Variants in DPP10 observed in about 807,000 individuals in gnomAD.
DPP10 encodes the protein dipeptidyl peptidase like 10.
Under a neutral mutation model 120.9 loss-of-function variants are expected in DPP10, and 33 were observed. The observed-to-expected ratio is 0.27, with a 90% CI of 0.21 to 0.37. The LOEUF (loss-of-function observed/expected upper bound fraction) is 0.37. DPP10 is among the 10% of genes least tolerant of loss of function. The probability of loss-of-function intolerance (pLI) is 1.00; values close to 1 mark genes in which losing one functional copy is unlikely to be tolerated. For missense variants in DPP10, 816 were observed against 942.8 expected (o/e 0.87, Z 1.76); for synonymous variants, 337 against 326.1 (o/e 1.03, Z -0.36).
intron 8 of DPP10, among the ~76,000 whole-genome samples, chr2:115,730,982 TGAG>T (rs1453161917): frequency 6.6e-6 from 1 of 152,130 alleles, no homozygotes; most frequent in African/African-American, 2.4e-5. Context: ...CCTAGCACTT[TGAG>T]GGGGCGAGGT....
chr2:115,244,576 G>A (rs554006443), intron 1 of DPP10, among the ~76,000 whole-genome samples: 42 of 151,836 alleles, frequency 2.8e-4, no homozygotes, highest in Non-Finnish European at 5.3e-4. Flanking sequence ...TAAAATTATA[G>A]TGAGAGAGAG....
chr2:115,511,949 C>A (rs761607324), intron 4 of DPP10, among the ~76,000 whole-genome samples: 4 of 151,830 alleles, frequency 2.6e-5, no homozygotes, highest in Non-Finnish European at 5.9e-5. Flanking sequence ...CTAGGCTGAT[C>A]TTGACCTTCT....
At chr2:115,244,717 T>C (rs1370890382) in intron 1 of DPP10, among the ~76,000 whole-genome samples, 1 of 151,888 alleles carries the variant, frequency 6.6e-6, no homozygotes, top group Non-Finnish European at 1.5e-5. Flanking sequence ...AGCATCAGCA[T>C]AGATTCTATA....
chr2:114,939,059 T>C (rs1284025468), intron 1 of DPP10, among the ~76,000 whole-genome samples: 1 of 152,150 alleles, frequency 6.6e-6, no homozygotes, highest in Non-Finnish European at 1.5e-5. Flanking sequence ...GTGCTTTTAA[T>C]TATTCTAGAA....
chr2:115,203,651 A>G (rs2055904303), intron 1 of DPP10, among the ~76,000 whole-genome samples: 1 of 152,118 alleles, frequency 6.6e-6, no homozygotes, highest in Admixed American at 6.6e-5. Context: ...CCACACCCAG[A>G]CATACACATA....
intron 5 of DPP10, among the ~76,000 whole-genome samples, chr2:115,684,834 A>G (rs1171984652): frequency 6.6e-6 from 1 of 151,978 alleles, no homozygotes; most frequent in Non-Finnish European, 1.5e-5. Context: ...TTAATCTGAT[A>G]GATCATGTTT....
At chr2:114,594,793 T>C (rs1691768800) in intron 1 of DPP10, among the ~76,000 whole-genome samples, 1 of 151,966 alleles carries the variant, frequency 6.6e-6, no homozygotes, top group South Asian at 2.1e-4. Context: ...GTTGCTATCT[T>C]CCATTTTCCT....
intron 1 of DPP10, among the ~76,000 whole-genome samples, chr2:114,769,724 C>T (rs1452403070): frequency 6.6e-6 from 1 of 152,074 alleles, no homozygotes; most frequent in South Asian, 2.1e-4. Flanking sequence ...AACATATATT[C>T]CTCATATGCA....
chr2:115,342,550 C>T (rs2063502998), intron 2 of DPP10, among the ~76,000 whole-genome samples: 1 of 152,134 alleles, frequency 6.6e-6, no homozygotes, highest in Non-Finnish European at 1.5e-5. Context: ...CATGTGCAAA[C>T]CCCTCAGGGC....
intron 1 of DPP10, among the ~76,000 whole-genome samples, chr2:114,905,932 T>C (rs549628528): frequency 3.7e-4 from 56 of 152,332 alleles, no homozygotes; most frequent in African/African-American, 1.3e-3. Context: ...TTATAATAAC[T>C]TTCATTTTAT....
chr2:114,921,369 G>T (rs561735975), intron 1 of DPP10, among the ~76,000 whole-genome samples: 1 of 152,226 alleles, frequency 6.6e-6, no homozygotes, highest in Non-Finnish European at 1.5e-5. Context: ...ACATTTCAAA[G>T]TACATTGTAT....
chr2:115,144,032 T>C (rs2051076584), intron 1 of DPP10: 1 of 152,244 alleles, frequency 6.6e-6, no homozygotes, highest in Admixed American at 6.5e-5. Flanking sequence ...TCATAAGGGC[T>C]GTGTACACCA....
At position 115,614,772 on chromosome 2, in the gene DPP10, C is replaced by T. The variant is rs778790235; in HGVS notation, c.442-74915C>T. Among the ~76,000 whole-genome samples the T allele has an allele frequency of 1.1e-4, 17 of 152,260 alleles. No homozygotes were observed. In the South Asian group the frequency reaches 1.9e-3, roughly 17 times the overall value. ...AAAGGCAATTGGCAACCAGTGTCCA[C>T]GTCTCCAGAATTATCATAGAGAGAA... On this transcript the variant is annotated intron_variant, in intron 5 of 25. Transcript: ENST00000410059.
At chr2:115,687,740 A>AAG (rs1426013466) in intron 5 of DPP10, among the ~76,000 whole-genome samples, 7 of 152,066 alleles carry the variant, frequency 4.6e-5, no homozygotes, top group Non-Finnish European at 8.8e-5. Flanking sequence ...CTGGATTTAC[A>AAG]ATTAGAGAAC....
At chr2:115,030,171 A>AT (rs200907777) in intron 1 of DPP10, among the ~76,000 whole-genome samples, 5,785 of 145,910 alleles carry the variant, frequency 0.04, 195 homozygotes, top group East Asian at 0.16. Flanking sequence ...GCCTCAACTA[A>AT]TTTTTTTTTT....
chr2:115,554,707 T>C (rs2149019741), intron 5 of DPP10, among the ~76,000 whole-genome samples: 1 of 152,210 alleles, frequency 6.6e-6, no homozygotes, highest in African/African-American at 2.4e-5. Flanking sequence ...CTTTTAAAAA[T>C]ACAAAAGGTC....
rs532615853 is a variant in DPP10, at chr2:115,452,268, G to A, written c.272-47242G>A. On this transcript the variant is annotated intron_variant, in intron 3 of 25. Transcript: ENST00000410059. ...CATGAGGACATCTGAATTGAGAAAG[G>A]CAGGAAAATGTATTTAGGTGTGACA... Among the ~76,000 whole-genome samples the A allele has an allele frequency of 7.2e-5, 11 of 152,024 alleles. No individual in the cohort carries two copies. The South Asian group carries it at 2.3e-3, about 31-fold the overall frequency.
intron 5 of DPP10, among the ~76,000 whole-genome samples, chr2:115,643,992 T>A (rs2087006501): frequency 6.6e-6 from 1 of 152,168 alleles, no homozygotes; most frequent in African/African-American, 2.4e-5. Context: ...AATCATTGGC[T>A]CCATTAGCAC....
chr2:114,834,839 A>G (rs1687549550), intron 1 of DPP10, among the ~76,000 whole-genome samples: 1 of 150,332 alleles, frequency 6.7e-6, no homozygotes, highest in Non-Finnish European at 1.5e-5. Flanking sequence ...TGTATATATA[A>G]GCCATGTCTA....
Sources: gnomAD v4.1 joint callset for allele counts (sites outside exome capture counted in the v4.1 genomes callset) on GRCh38, gnomAD v4.1.1 for gene constraint, MANE v1.5 for transcripts, NCBI Gene and HGNC (gene_info 2026-07-23, HGNC 2026-07-21) for gene names.